WSCD1: variants seen among roughly 807,000 people sequenced by gnomAD.
The protein encoded by WSCD1 is WSC domain sialate O sulfotransferase 1, also known as sialate:O-sulfotransferase 1.
A neutral mutation model predicts 60.4 loss-of-function variants in WSCD1; 41 were observed. The ratio of observed to expected loss-of-function variants is 0.68; its 90% CI spans 0.53 to 0.88. The LOEUF (loss-of-function observed/expected upper bound fraction) is 0.88. Ranked by LOEUF, WSCD1 falls within the 40% of genes least tolerant of loss-of-function variation. The pLI is 0.00. For synonymous variants in WSCD1, 361 were observed against 332.5 expected (o/e 1.09, Z -0.93); for missense variants, 784 against 796.2 (o/e 0.98, Z 0.18).
intron 4 of WSCD1, among the ~76,000 whole-genome samples, chr17:6,094,015 G>T (rs1910226219): frequency 6.6e-6 from 1 of 152,226 alleles, no homozygotes; most frequent in Non-Finnish European, 1.5e-5. Flanking sequence ...GCTGGTAAAA[G>T]GGTTTCTGTT....
chr17:6,111,664 G>T (rs1359862820), intron 7 of WSCD1, among the ~76,000 whole-genome samples: 1 of 134,902 alleles, frequency 7.4e-6, no homozygotes, highest in African/African-American at 2.9e-5. Flanking sequence ...TTATGCCACC[G>T]CACTCCAGCC....
intron 2 of WSCD1, among the ~76,000 whole-genome samples, chr17:6,083,318 G>C (rs1353540832): frequency 6.6e-6 from 1 of 152,214 alleles, no homozygotes; most frequent in African/African-American, 2.4e-5. Context: ...CACGCTTACT[G>C]ATGAGCCACC....
chr17:6,121,711 G>A lies in WSCD1; in HGVS notation c.*1050G>A, dbSNP rs1904718438. 1 of 152,286 alleles carries A rather than the reference G, an allele frequency of 6.6e-6. No individual in the cohort carries two copies. Among genetic ancestry groups the A allele is most frequent in the Non-Finnish European group, 1.5e-5 (1 of 68,182 alleles). The allele number at this position is 152,286 out of a possible 1,614,324, so 9.4% of individuals were successfully genotyped here. A position where few individuals can be genotyped will look rare whatever the true frequency, so the allele number is the denominator to read the frequency against. On this transcript the variant is annotated 3_prime_UTR_variant, in exon 9 of 9. Transcript: ENST00000317744. ...TACTGGTACTGGTGCTCCACCCATA[G>A]GGGCCCTGTTCTCTCTGGGGTCCCA...
At chr17:6,071,626 T>A (rs1327823005) in intron 1 of WSCD1, among the ~76,000 whole-genome samples, 2 of 152,256 alleles carry the variant, frequency 1.3e-5, no homozygotes, top group African/African-American at 4.8e-5. Context: ...TATCCCACTT[T>A]GGCATCAGGA....
At chr17:6,079,005 T>C (rs1909052475) in intron 1 of WSCD1, among the ~76,000 whole-genome samples, 1 of 152,208 alleles carries the variant, frequency 6.6e-6, no homozygotes, top group Admixed American at 6.5e-5. Flanking sequence ...CATTTGCTGA[T>C]TACTGAGTCT....
intron 1 of WSCD1, among the ~76,000 whole-genome samples, chr17:6,074,930 C>G (rs1392203768): frequency 6.6e-6 from 1 of 152,048 alleles, no homozygotes; most frequent in African/African-American, 2.4e-5. Context: ...AGGCGCTATG[C>G]CTGAGCGGGG....
chr17:6,071,723 A>G (rs916625), intron 1 of WSCD1, among the ~76,000 whole-genome samples: 87,684 of 152,050 alleles, frequency 0.58, 25,564 homozygotes, highest in African/African-American at 0.67. Context: ...TACAGGAGAT[A>G]TAAAGCTGGC....
rs1342577723 is a variant in WSCD1, at chr17:6,080,734, T to G, written c.76T>G (p.Tyr26Asp). Residue 26 changes from tyrosine (Y) to aspartate (D), a missense_variant, in exon 2 of 9, where the codon TAC (tyrosine) becomes GAC (aspartate). Tyr to Asp is a radical substitution (Grantham distance 160). Coordinates refer to ENST00000317744, the MANE Select transcript of WSCD1 (RefSeq NM_015253.2). The surrounding 1 kb of genome is among the most constrained non-coding windows in gnomAD (Gnocchi z 6.6). ...QFLLFFLTAA[Y>D]LMTGSLLLLQ... ...CCTGCTGTTCTTCCTCACGGCTGCC[T>G]ACCTGATGACCGGCAGCCTGCTGCT... is the stretch of plus-strand genomic sequence containing the variant. 1 of 1,613,000 alleles carries G rather than the reference T, an allele frequency of 6.2e-7. No individual in the cohort carries two copies. Among genetic ancestry groups the G allele is most frequent in the Non-Finnish European group, 8.5e-7 (1 of 1,179,846 alleles).
At chr17:6,069,392 T>C (rs1011101022), upstream of WSCD1, 4 of 226,954 alleles carry the variant, frequency 1.8e-5, 1 homozygote, top group East Asian at 1.2e-4. Flanking sequence ...CCTCGGTGCG[T>C]GTGTGTGTGT....
chr17:6,082,269 C>A (rs1397605205), intron 2 of WSCD1, among the ~76,000 whole-genome samples: 1 of 152,078 alleles, frequency 6.6e-6, no homozygotes, highest in Non-Finnish European at 1.5e-5. Context: ...GGGATGTGAT[C>A]CCAGGGAACA....
intron 5 of WSCD1, among the ~76,000 whole-genome samples, chr17:6,105,718 G>C (rs1211650258): frequency 6.6e-6 from 1 of 152,164 alleles, no homozygotes; most frequent in Non-Finnish European, 1.5e-5. Context: ...CTCCAGTCCT[G>C]GGATATAAGA....
intron 5 of WSCD1, among the ~76,000 whole-genome samples, chr17:6,102,204 T>G (rs566682484): frequency 1.3e-5 from 2 of 152,272 alleles, no homozygotes; most frequent in Non-Finnish European, 2.9e-5. Flanking sequence ...TCTAGCCACC[T>G]TTCAAATGGA....
rs1227013417 is a variant in WSCD1 at position 6,118,088 on chromosome 17, C to T, written c.1275C>T (p.Ile425=). The T allele has an allele frequency of 6.2e-7, 1 of 1,614,202 alleles. No individual in the cohort carries two copies. The highest frequency in any genetic ancestry group is 8.5e-7 in the Non-Finnish European group (1 of 1,180,034). The change falls in exon 8 of 9, where the codon ATC becomes ATT. Residue 425 remains isoleucine, a synonymous_variant. Coordinates refer to ENST00000317744, the MANE Select transcript of WSCD1 (RefSeq NM_015253.2). The surrounding 1 kb of genome is among the most constrained non-coding windows in gnomAD (Gnocchi z 5.8). ...AGATTGAGATGTTTGATTCAGCCATCCTGCTAATCCGGAACCCATACAGGT... is the reference window on the plus strand; with the variant it reads ...AGATTGAGATGTTTGATTCAGCCATTCTGCTAATCCGGAACCCATACAGGT... ...RREIEMFDSA[I]LLIRNPYRSL...
chr17:6,092,402 G>A (rs931569534), intron 4 of WSCD1, among the ~76,000 whole-genome samples: 7 of 152,124 alleles, frequency 4.6e-5, no homozygotes, highest in African/African-American at 1.7e-4. Context: ...ATGTGTCTGG[G>A]AGCTCAGGGG....
At chr17:6,088,480 T>C (rs375654928) in intron 3 of WSCD1, among the ~76,000 whole-genome samples, 4 of 152,308 alleles carry the variant, frequency 2.6e-5, no homozygotes, top group East Asian at 3.9e-4. Context: ...AGTTTACTTA[T>C]ATATTTTACA....
chr17:6,081,325 C>G (rs534434762), intron 2 of WSCD1, among the ~76,000 whole-genome samples: 7 of 152,012 alleles, frequency 4.6e-5, no homozygotes, highest in Non-Finnish European at 1.0e-4. Flanking sequence ...CTTAGCGCTC[C>G]GGCTTTGGAT....
chr17:6,105,625 G>A (rs982096879), intron 5 of WSCD1, among the ~76,000 whole-genome samples: 4 of 152,122 alleles, frequency 2.6e-5, no homozygotes, highest in Non-Finnish European at 4.4e-5. Context: ...CTCTCCTGTC[G>A]CTCTGCAAAC....
chr17:6,085,966 T>C (rs1253617830), intron 2 of WSCD1, among the ~76,000 whole-genome samples: 1 of 152,062 alleles, frequency 6.6e-6, no homozygotes, highest in Non-Finnish European at 1.5e-5. Flanking sequence ...AGCATGTGCC[T>C]GTGGGCGTGG....
chr17:6,076,773 C>T (rs1359827955), intron 1 of WSCD1, among the ~76,000 whole-genome samples: 2 of 152,196 alleles, frequency 1.3e-5, no homozygotes, highest in African/African-American at 4.8e-5. Context: ...GGCTAGCATT[C>T]TGCCCCCGAC....
Sources: gnomAD v4.1 joint callset for allele counts (sites outside exome capture counted in the v4.1 genomes callset) on GRCh38, gnomAD v4.1.1 for gene constraint, Gnocchi (gnomAD v3.1) non-coding constraint, MANE v1.5 for transcripts, NCBI Gene and HGNC (gene_info 2026-07-23, HGNC 2026-07-21) for gene names.